The following HDAC11 variants were observed in gnomAD, a reference collection of about 807,000 sequenced individuals.
The protein encoded by HDAC11 is histone deacetylase 11.
Under a neutral mutation model 41.1 loss-of-function variants are expected in HDAC11, and 23 were observed. That is an observed-to-expected ratio of 0.56 (90% CI 0.40 to 0.79). The LOEUF is 0.79. Among genes scored for constraint, HDAC11 ranks in the 30% least tolerant of loss-of-function variants. The pLI is 0.00. For synonymous variants in HDAC11, 187 were observed against 186.6 expected (o/e 1.00, Z -0.02); for missense variants, 402 against 477.3 (o/e 0.84, Z 1.47).
chr3:13,496,640 G>A, intron 3 of HDAC11, 96 bp from the exon 4 acceptor site: 1 of 747,194 alleles, frequency 1.3e-6, no homozygotes, highest in Non-Finnish European at 2.3e-6. Context: ...AGGGCACCTG[G>A]AAACTGTCCT....
intron 5 of HDAC11, 89 bp from the exon 6 acceptor site, chr3:13,500,624 G>A: frequency 9.6e-7 from 1 of 1,043,910 alleles, no homozygotes; most frequent in Non-Finnish European, 1.4e-6. Context: ...GAGCAGGGAG[G>A]ATGCTGGGGG....
At chr3:13,503,045 C>T (rs1702447200) in intron 8 of HDAC11, 65 bp downstream of exon 8, 1 of 1,228,402 alleles carries the variant, frequency 8.1e-7, no homozygotes, top group Admixed American at 1.7e-5. Flanking sequence ...TCCTGAGTGT[C>T]TCCTGTCTGC....
intron 5 of HDAC11, among the ~76,000 whole-genome samples, chr3:13,500,280 G>A (rs1574911787): frequency 6.6e-6 from 1 of 152,062 alleles, no homozygotes; most frequent in South Asian, 2.1e-4. Context: ...GGGCTCTAGG[G>A]CCCTCCTCGT....
intron 3 of HDAC11, among the ~76,000 whole-genome samples, chr3:13,486,647 C>T (rs1701604720): frequency 7.1e-6 from 1 of 141,734 alleles, no homozygotes; most frequent in Admixed American, 7.4e-5. Context: ...GGTGCGATCT[C>T]AGCTCACAGC....
Position 13,483,495 on chromosome 3 carries a change from G to A in HDAC11, c.183G>A (p.Val61=), listed in dbSNP as rs1701416657. The change falls in exon 3 of 10, where the codon GTG becomes GTA. Residue 61 remains valine (V), a synonymous_variant. Coordinates refer to ENST00000295757, the MANE Select transcript of HDAC11 (RefSeq NM_024827.4). The stretch of plus-strand genomic sequence containing the variant: ...AGCTTCTGTCTGACAGCATGCTGGT[G>A]GAGGCGCGGGAGGCCTCGGAGGAGG... ...EEKLLSDSML[V]EAREASEEDL... The A allele has an allele frequency of 6.2e-7, 1 of 1,614,004 alleles. No homozygotes were observed. The highest frequency in any genetic ancestry group is 1.1e-5 in the South Asian group (1 of 91,090).
Position 13,500,785 on chromosome 3 carries a change from T to TATGC in HDAC11, c.485_486insATGC (p.Lys163CysfsTer6), listed in dbSNP as rs2125010791. 3 of 1,564,514 alleles carry TATGC rather than the reference T, an allele frequency of 1.9e-6. No homozygotes were observed. The highest frequency in any genetic ancestry group is 2.6e-6 in the Non-Finnish European group (3 of 1,151,804). On this transcript the variant is annotated frameshift_variant, in exon 6 of 10. Coordinates refer to ENST00000295757, the MANE Select transcript of HDAC11 (RefSeq NM_024827.4). LOFTEE classifies it high-confidence loss of function. ...GCCTATGCGGACATCACGCTCGCCA[T>TATGC]CAAGGTGTGTCTATGAGCAAGTGGG...
intron 1 of HDAC11, chr3:13,481,040 C>T: frequency 1.7e-6 from 1 of 588,134 alleles, no homozygotes; most frequent in Admixed American, 3.1e-5. Flanking sequence ...GGTGCCTACC[C>T]CCAGGGCTGC....
Position 13,502,076 on chromosome 3 carries a change from G to T in HDAC11, c.552+143G>T. 2 of 672,040 alleles carry T rather than the reference G, an allele frequency of 3.0e-6. No individual in the cohort carries two copies. Among genetic ancestry groups the T allele is most frequent in the Non-Finnish European group, 5.2e-6 (2 of 386,546 alleles). 41.6% of individuals were successfully genotyped at this position (672,040 alleles called of 1,614,324 possible). A position where few individuals can be genotyped will look rare whatever the true frequency, so the allele number is the denominator to read the frequency against. ...CTGTCTCTCGGGCTACAAATGCAGG[G>T]TCTGTCTTTGTCACTCTGTCCAGGA... On this transcript the variant is annotated intron_variant, in intron 7 of 9. Coordinates refer to ENST00000295757, the MANE Select transcript of HDAC11 (RefSeq NM_024827.4). This position sits in a 1 kb window ranked among gnomAD's most constrained non-coding sequence, Gnocchi z 4.1.
chr3:13,490,790 T>C (rs1326964698), intron 3 of HDAC11, among the ~76,000 whole-genome samples: 1 of 134,278 alleles, frequency 7.4e-6, no homozygotes, highest in African/African-American at 2.8e-5. Flanking sequence ...CTCTCTCTGT[T>C]ACCAGGCTGG....
At chr3:13,485,403 G>T (rs1001127494) in intron 3 of HDAC11, among the ~76,000 whole-genome samples, 1 of 152,222 alleles carries the variant, frequency 6.6e-6, no homozygotes, top group African/African-American at 2.4e-5. Flanking sequence ...AGGAGGACAT[G>T]CCTGCCAGAG....
intron 3 of HDAC11, among the ~76,000 whole-genome samples, 156 bp downstream of exon 3, chr3:13,483,720 C>T (rs1055118673): frequency 3.9e-5 from 6 of 152,004 alleles, no homozygotes; most frequent in African/African-American, 1.5e-4. Flanking sequence ...AGTCTGTGGT[C>T]CCCAAGAGAA....
intron 3 of HDAC11, among the ~76,000 whole-genome samples, chr3:13,495,608 G>A (rs776883505): frequency 5.3e-5 from 8 of 152,146 alleles, no homozygotes; most frequent in Non-Finnish European, 1.0e-4. Flanking sequence ...CCTTGCTGCA[G>A]CTAGTGCAGC....
rs1359238302 is a variant in HDAC11 at position 13,506,187 on chromosome 3, C to T, written c.*1504C>T. On this transcript the variant is annotated 3_prime_UTR_variant, in exon 10 of 10. Transcript: ENST00000295757. ...TGACTCGAGGCACCTAACATCCATT[C>T]ACACCCAACACAGGCCAGCGACTTC... 6.6e-6 allele frequency: 1 copy of T among 152,262 alleles called. No individual in the cohort carries two copies. The highest frequency in any genetic ancestry group is 1.5e-5 in the Non-Finnish European group (1 of 68,068). The allele number at this position is 152,262 out of a possible 1,614,324, so 9.4% of individuals were successfully genotyped here.
chr3:13,484,613 G>A (rs1278403058), intron 3 of HDAC11, among the ~76,000 whole-genome samples: 1 of 152,190 alleles, frequency 6.6e-6, no homozygotes, highest in African/African-American at 2.4e-5. Context: ...TGTAACCTCC[G>A]CCTCCCGGGT....
intron 3 of HDAC11, among the ~76,000 whole-genome samples, chr3:13,486,904 T>C (rs552772798): frequency 3.3e-5 from 5 of 152,198 alleles, no homozygotes; most frequent in African/African-American, 1.2e-4. Flanking sequence ...GAAGGAAGAA[T>C]GTTTCAGAAT....
intron 3 of HDAC11, among the ~76,000 whole-genome samples, chr3:13,486,431 C>A (rs1008247348): frequency 8.7e-5 from 13 of 148,934 alleles, no homozygotes; most frequent in African/African-American, 3.1e-4. Flanking sequence ...AGCAACCACC[C>A]AAGAGCATTT....
At chr3:13,492,823 T>C (rs1701927624) in intron 3 of HDAC11, among the ~76,000 whole-genome samples, 1 of 152,250 alleles carries the variant, frequency 6.6e-6, no homozygotes, top group South Asian at 2.1e-4. Flanking sequence ...GGATTACAGA[T>C]GTAAGCCACC....
chr3:13,491,665 A>G (rs1217468041), intron 3 of HDAC11, among the ~76,000 whole-genome samples: 1 of 152,210 alleles, frequency 6.6e-6, no homozygotes, highest in Admixed American at 6.5e-5. Context: ...ATGGGGCAGT[A>G]GGTCCCAGAG....
chr3:13,501,663 T>C (rs1702370696), intron 6 of HDAC11: 1 of 712,212 alleles, frequency 1.4e-6, no homozygotes, highest in Non-Finnish European at 2.6e-6. Context: ...CAGGGAGCCT[T>C]CCCTGACCAC....
Sources: gnomAD v4.1 joint callset for allele counts (sites outside exome capture counted in the v4.1 genomes callset) on GRCh38, gnomAD v4.1.1 for gene constraint, Gnocchi (gnomAD v3.1) non-coding constraint, MANE v1.5 for transcripts, NCBI Gene and HGNC (gene_info 2026-07-23, HGNC 2026-07-21) for gene names.